XKR4: variants seen among roughly 807,000 people sequenced by gnomAD.
XKR4 encodes the protein XK related 4.
In XKR4, 12 loss-of-function variants were observed where a neutral mutation model predicts 53.9. The ratio of observed to expected loss-of-function variants is 0.22; its 90% CI spans 0.14 to 0.36. XKR4 has a LOEUF of 0.36. XKR4 is among the 10% of genes least tolerant of loss of function. XKR4 has a pLI of 1.00. For synonymous variants in XKR4, 354 were observed against 362.4 expected, an observed-to-expected ratio of 0.98 and a Z score of 0.26; for missense variants, 799 against 859.5, an observed-to-expected ratio of 0.93 and a Z score of 0.88.
intron 1 of XKR4, among the ~76,000 whole-genome samples, chr8:55,108,484 T>C (rs906630448): frequency 2.0e-5 from 3 of 152,184 alleles, no homozygotes; most frequent in African/African-American, 7.2e-5. Flanking sequence ...CATGGAAATC[T>C]ATTGGCTTCA....
chr8:55,259,661 C>T (rs543650821), intron 1 of XKR4, among the ~76,000 whole-genome samples: 2 of 152,244 alleles, frequency 1.3e-5, no homozygotes, highest in South Asian at 2.1e-4. Flanking sequence ...TCTCCCGAGG[C>T]TCTTGCACTG....
chr8:55,419,120 C>T (rs145750461), intron 2 of XKR4, among the ~76,000 whole-genome samples: 3 of 152,048 alleles, frequency 2.0e-5, no homozygotes, highest in Non-Finnish European at 2.9e-5. Context: ...CACGGTGGCT[C>T]ACGGCTGTAA....
chr8:55,143,667 A>C (rs550391009), intron 1 of XKR4, among the ~76,000 whole-genome samples: 8 of 152,332 alleles, frequency 5.3e-5, no homozygotes, highest in African/African-American at 1.7e-4. Flanking sequence ...TATGAAACAC[A>C]CACACTTGGT....
chr8:55,267,056 A>G (rs1490047199), intron 1 of XKR4, among the ~76,000 whole-genome samples: 2 of 152,150 alleles, frequency 1.3e-5, no homozygotes, highest in African/African-American at 2.4e-5. Flanking sequence ...GAGAAATCTG[A>G]TGGGGTTGGT....
chr8:55,328,997 C>G (rs764285880), intron 1 of XKR4, among the ~76,000 whole-genome samples: 1 of 152,152 alleles, frequency 6.6e-6, no homozygotes, highest in Non-Finnish European at 1.5e-5. Context: ...GTCCCTGATT[C>G]TCTTGTCCAC....
At chr8:55,299,510 T>C (rs1402204049) in intron 1 of XKR4, among the ~76,000 whole-genome samples, 1 of 152,156 alleles carries the variant, frequency 6.6e-6, no homozygotes, top group Non-Finnish European at 1.5e-5. Context: ...TAATAATGTT[T>C]GTTTCTGAGA....
At chr8:55,125,553 C>T (rs183234938) in intron 1 of XKR4, among the ~76,000 whole-genome samples, 1 of 152,228 alleles carries the variant, frequency 6.6e-6, no homozygotes, top group Admixed American at 6.5e-5. Flanking sequence ...TATTTCTTCA[C>T]AAACATTGCC....
rs748780427 is a variant in XKR4 at position 55,315,363 on chromosome 8, C to T, written c.807-42315C>T. Among the ~76,000 whole-genome samples, 46 of 152,140 alleles carry T rather than the reference C, an allele frequency of 3.0e-4. 2 individuals are homozygous for T. In the South Asian group the frequency reaches 3.5e-3, roughly 12 times the overall value. Reference sequence around the variant, plus strand: ...TTTCCGCCCAGCCTTGGTCAGTGTCCGTGAGGAGCATGTTCTTATTAATAT... The same window carrying T: ...TTTCCGCCCAGCCTTGGTCAGTGTCTGTGAGGAGCATGTTCTTATTAATAT... On this transcript the variant is annotated intron_variant, in intron 1 of 2. Transcript: ENST00000327381.
intron 1 of XKR4, among the ~76,000 whole-genome samples, chr8:55,192,096 T>C (rs1372558848): frequency 1.3e-5 from 2 of 151,730 alleles, no homozygotes; most frequent in Admixed American, 1.3e-4. Context: ...AAGCAATAAA[T>C]CTCAAAAATG....
Position 55,338,927 on chromosome 8 carries a change from T to C in XKR4, c.807-18751T>C, listed in dbSNP as rs142030870. On this transcript the variant is annotated intron_variant, in intron 1 of 2. Coordinates refer to ENST00000327381, the MANE Select transcript of XKR4 (RefSeq NM_052898.2). Reference sequence around the variant, plus strand: ...CAGATGAAGTTGAGCAATAAGTAAATTGAACTGTTTAATGCAGCTGTTGAC... The same window carrying C: ...CAGATGAAGTTGAGCAATAAGTAAACTGAACTGTTTAATGCAGCTGTTGAC... 1.8e-3 allele frequency among the ~76,000 whole-genome samples: 270 copies of C among 152,274 alleles called. 1 individual carries two copies. The highest frequency in any genetic ancestry group is 6.4e-3 in the African/African-American group (264 of 41,556).
chr8:55,337,555 G>A lies in XKR4; in HGVS notation c.807-20123G>A, dbSNP rs190146940. ...TGCCTGGGAAGGGTGAAAACATCTA[G>A]GAGGGTATATCATATTAACAACTGA... On this transcript the variant is annotated intron_variant, in intron 1 of 2. Transcript: ENST00000327381. Among the ~76,000 whole-genome samples the A allele has an allele frequency of 5.2e-3, 796 of 152,258 alleles. 7 individuals are homozygous for A. Among genetic ancestry groups the A allele is most frequent in the African/African-American group, 0.017 (727 of 41,548 alleles).
At chr8:55,315,425 AC>A (rs1234460341) in intron 1 of XKR4, among the ~76,000 whole-genome samples, 1 of 152,192 alleles carries the variant, frequency 6.6e-6, no homozygotes, top group Non-Finnish European at 1.5e-5. Context: ...GCAGCGCCTA[AC>A]CTGCTCTCTG....
Position 55,369,352 on chromosome 8 carries a change from A to C in XKR4, c.1006+11475A>C, listed in dbSNP as rs1804036197. ...GCACAAGCATGATGCTGAGAAAGGA[A>C]AGGGAAGGGAAGGGAAGGGGAGGGG... On this transcript the variant is annotated intron_variant, in intron 2 of 2. Coordinates refer to ENST00000327381, the MANE Select transcript of XKR4 (RefSeq NM_052898.2). Among the ~76,000 whole-genome samples, 3 of 83,482 alleles carry C rather than the reference A, an allele frequency of 3.6e-5. No individual in the cohort carries two copies. In the South Asian group the frequency reaches 1.7e-3, roughly 47 times the overall value. The allele number at this position is 83,482 out of a possible 152,430, so 54.8% of individuals were successfully genotyped here.
intron 1 of XKR4, among the ~76,000 whole-genome samples, chr8:55,154,192 C>T (rs1816876677): frequency 6.6e-6 from 1 of 152,128 alleles, no homozygotes; most frequent in Admixed American, 6.5e-5. Context: ...TTTTCGGAAT[C>T]TGTTACTAAT....
At chr8:55,347,222 A>G (rs1803662088) in intron 1 of XKR4, among the ~76,000 whole-genome samples, 1 of 152,242 alleles carries the variant, frequency 6.6e-6, no homozygotes, top group South Asian at 2.1e-4. Flanking sequence ...ACTTAGTGAC[A>G]TAGGAGGCTG....
At chr8:55,337,259 G>C (rs1196254531) in intron 1 of XKR4, among the ~76,000 whole-genome samples, 1 of 152,088 alleles carries the variant, frequency 6.6e-6, no homozygotes, top group Non-Finnish European at 1.5e-5. Flanking sequence ...ATATCAACAT[G>C]GGGGTTTCTG....
At chr8:55,452,816 G>C (rs1275405306) in intron 2 of XKR4, 1 of 773,012 alleles carries the variant, frequency 1.3e-6, no homozygotes, top group East Asian at 2.4e-5. Flanking sequence ...GGCTGTTGCT[G>C]GTGCTCTCCA....
intron 2 of XKR4, among the ~76,000 whole-genome samples, chr8:55,456,317 G>T (rs1805569304): frequency 6.6e-6 from 1 of 152,180 alleles, no homozygotes; most frequent in South Asian, 2.1e-4. Flanking sequence ...TGTCATCCCA[G>T]CTACTGGAGA....
At chr8:55,437,625 C>A (rs767616887) in intron 2 of XKR4, among the ~76,000 whole-genome samples, 2 of 152,172 alleles carry the variant, frequency 1.3e-5, no homozygotes, top group Non-Finnish European at 2.9e-5. Context: ...ATTGAGTGCT[C>A]ACTGTGTAAG....
Sources: gnomAD v4.1 joint callset for allele counts (sites outside exome capture counted in the v4.1 genomes callset) on GRCh38, gnomAD v4.1.1 for gene constraint, MANE v1.5 for transcripts, NCBI Gene and HGNC (gene_info 2026-07-23, HGNC 2026-07-21) for gene names.